PPP2R3A: variants seen among roughly 807,000 people sequenced by gnomAD.
PPP2R3A encodes protein phosphatase 2 regulatory subunit B''alpha, also known as serine/threonine-protein phosphatase 2A regulatory subunit B'' subunit alpha.
A neutral mutation model predicts 106.9 loss-of-function variants in PPP2R3A; 80 were observed. The observed-to-expected ratio is 0.75, with a 90% CI of 0.62 to 0.90. PPP2R3A has a LOEUF of 0.90. Among genes scored for constraint, PPP2R3A ranks in the 40% least tolerant of loss-of-function variants. The pLI, the probability that PPP2R3A is intolerant of heterozygous loss-of-function variation, is 0.00. For synonymous variants in PPP2R3A, 483 were observed against 468.3 expected (o/e 1.03, Z -0.41); for missense variants, 1,386 against 1,350.4 (o/e 1.03, Z -0.41).
Position 135,987,898 on chromosome 3 carries a change from C to T in PPP2R3A, c.-440-13161C>T, listed in dbSNP as rs1004581972. ...CACAGAAAGTTCCATTGGACAGTGC[C>T]ACTCTGCATGTTTGAAGTGCCCCAT... On this transcript the variant is annotated intron_variant, in intron 1 of 13. Transcript: ENST00000264977. Among the ~76,000 whole-genome samples, 6 of 152,304 alleles carry T rather than the reference C, an allele frequency of 3.9e-5. No individual in the cohort carries two copies. In the East Asian group the frequency reaches 9.6e-4, roughly 24 times the overall value.
chr3:136,103,242 G>A lies in PPP2R3A; in HGVS notation c.3104-16G>A. The stretch of plus-strand genomic sequence containing the variant: ...GCTCTTGATGAAATTTACCAGATTT[G>A]TTTATTTTTATGTAGGCAAAATAAC... On this transcript the variant is annotated splice_polypyrimidine_tract_variant and intron_variant, in intron 11 of 13. Coordinates refer to ENST00000264977, the MANE Select transcript of PPP2R3A (RefSeq NM_002718.5). The A allele has an allele frequency of 6.5e-7, 1 of 1,527,922 alleles. No homozygotes were observed. The highest frequency in any genetic ancestry group is 8.9e-7 in the Non-Finnish European group (1 of 1,117,736). The allele number at this position is 1,527,922 out of a possible 1,614,324, so 94.6% of individuals were successfully genotyped here. A position where few individuals can be genotyped will look rare whatever the true frequency, so the allele number is the denominator to read the frequency against.
chr3:136,141,981 T>C (rs975047830), intron 13 of PPP2R3A, among the ~76,000 whole-genome samples: 1 of 152,078 alleles, frequency 6.6e-6, no homozygotes, highest in Non-Finnish European at 1.5e-5. Flanking sequence ...GTGGGAAAGA[T>C]GAGTTCAAGT....
At chr3:136,015,003 A>G (rs766042384) in intron 2 of PPP2R3A, among the ~76,000 whole-genome samples, 9 of 152,060 alleles carry the variant, frequency 5.9e-5, no homozygotes, top group African/African-American at 9.7e-5. Flanking sequence ...TATCCCTTCT[A>G]TGCCGATTTT....
intron 8 of PPP2R3A, 22 bp from the exon 9 acceptor site, chr3:136,087,861 T>A: frequency 7.2e-7 from 1 of 1,385,762 alleles, no homozygotes; most frequent in Non-Finnish European, 9.9e-7. Context: ...AGCTTTGCAA[T>A]TTTTTTTTTA....
At chr3:136,093,160 G>A (rs185465444) in intron 10 of PPP2R3A, among the ~76,000 whole-genome samples, 3 of 152,298 alleles carry the variant, frequency 2.0e-5, no homozygotes, top group Admixed American at 2.0e-4. Context: ...AGTATTCCCA[G>A]TACTTTGGGA....
Position 136,001,823 on chromosome 3 carries a change from T to C in PPP2R3A, c.325T>C (p.Leu109=), listed in dbSNP as rs1265946401. Residue 109 remains leucine, a synonymous_variant, in exon 2 of 14, where the codon TTA becomes CTA. Transcript: ENST00000264977. ...ATCTACATTTCAGAATACCTACAACTTAAAGGATATTGCAGGAGAAGCAAT... is the reference window on the plus strand; with the variant it reads ...ATCTACATTTCAGAATACCTACAACCTAAAGGATATTGCAGGAGAAGCAAT... The part of the protein sequence containing the change: ...RGSTFQNTYN[L]KDIAGEAISF... 1 of 1,613,990 alleles carries C rather than the reference T, an allele frequency of 6.2e-7. No individual in the cohort carries two copies. Among genetic ancestry groups the C allele is most frequent in the Non-Finnish European group, 8.5e-7 (1 of 1,180,018 alleles).
chr3:136,053,552 C>T (rs1035395799), intron 5 of PPP2R3A, among the ~76,000 whole-genome samples: 4 of 152,142 alleles, frequency 2.6e-5, no homozygotes, highest in Admixed American at 2.0e-4. Flanking sequence ...GGTCGGTATA[C>T]ACAACAATCA....
intron 13 of PPP2R3A, among the ~76,000 whole-genome samples, chr3:136,143,770 G>A (rs563041093): frequency 1.5e-4 from 23 of 152,154 alleles, no homozygotes; most frequent in South Asian, 1.5e-3. Flanking sequence ...CAGCCTGGGC[G>A]ACACAGCGAG....
At chr3:136,026,001 T>C (rs908426448) in intron 2 of PPP2R3A, among the ~76,000 whole-genome samples, 3 of 152,186 alleles carry the variant, frequency 2.0e-5, no homozygotes, top group Non-Finnish European at 2.9e-5. Flanking sequence ...TCCTAAATCA[T>C]GGGCAATCTT....
At chr3:136,063,352 A>G (rs946029522) in intron 5 of PPP2R3A, among the ~76,000 whole-genome samples, 3 of 152,260 alleles carry the variant, frequency 2.0e-5, no homozygotes, top group African/African-American at 7.2e-5. Flanking sequence ...CATTCAGGAC[A>G]TAGGCATGGG....
intron 13 of PPP2R3A, among the ~76,000 whole-genome samples, chr3:136,143,809 A>G (rs113799200): frequency 6.6e-6 from 1 of 152,068 alleles, no homozygotes; most frequent in African/African-American, 2.4e-5. Flanking sequence ...AAACACACAC[A>G]ATGTTTTAGG....
intron 2 of PPP2R3A, 73 bp from the exon 3 acceptor site, chr3:136,026,759 T>A: frequency 7.2e-7 from 1 of 1,395,624 alleles, no homozygotes; most frequent in Non-Finnish European, 9.7e-7. Flanking sequence ...GTTTCTTATA[T>A]TGCTGGTGAG....
chr3:136,088,091 T>A (rs78473846), intron 9 of PPP2R3A, among the ~76,000 whole-genome samples, 160 bp downstream of exon 9: 9,022 of 152,208 alleles, frequency 0.059, 296 homozygotes, highest in South Asian at 0.071. Flanking sequence ...AATTCTTTTT[T>A]AAAAAAATAA....
chr3:136,076,839 T>C (rs7623246), intron 6 of PPP2R3A, among the ~76,000 whole-genome samples: 23,128 of 151,484 alleles, frequency 0.15, 2,908 homozygotes, highest in African/African-American at 0.36. Flanking sequence ...GCCAGCTACT[T>C]GGGAGGCTGA....
chr3:136,103,664 A>C (rs1054592307), intron 12 of PPP2R3A, among the ~76,000 whole-genome samples: 2 of 152,192 alleles, frequency 1.3e-5, no homozygotes, highest in Non-Finnish European at 2.9e-5. Context: ...TTTGAAAAAA[A>C]AATTGTCCTT....
At chr3:136,125,386 A>C (rs905929818) in intron 13 of PPP2R3A, among the ~76,000 whole-genome samples, 3 of 152,208 alleles carry the variant, frequency 2.0e-5, no homozygotes, top group Admixed American at 6.5e-5. Flanking sequence ...AATTCTGTCC[A>C]ATATTTAAGG....
rs189712236 is a variant in PPP2R3A at position 136,147,877 on chromosome 3, A to C, written c.*2711A>C. On this transcript the variant is annotated 3_prime_UTR_variant, in exon 14 of 14. Coordinates refer to ENST00000264977, the MANE Select transcript of PPP2R3A (RefSeq NM_002718.5). ...TTTTTCCCTTTTAGCAAAACTAAAT[A>C]AAGTTGTCAAATATGAATCATGTTC... 7.9e-5 allele frequency: 12 copies of C among 152,326 alleles called. No individual in the cohort carries two copies. Among genetic ancestry groups the C allele is most frequent in the Admixed American group, 7.2e-4 (11 of 15,294 alleles). 9.4% of individuals were successfully genotyped at this position (152,326 alleles called of 1,614,324 possible).
intron 13 of PPP2R3A, among the ~76,000 whole-genome samples, chr3:136,130,249 T>C (rs1445955031): frequency 1.3e-5 from 2 of 152,198 alleles, no homozygotes; most frequent in Non-Finnish European, 2.9e-5. Context: ...GATGCCATGA[T>C]TGTATATTGA....
chr3:136,064,224 A>G (rs532267290), intron 5 of PPP2R3A, among the ~76,000 whole-genome samples: 14 of 139,156 alleles, frequency 1.0e-4, no homozygotes, highest in Middle Eastern at 3.8e-3. Context: ...CAATGAGAAC[A>G]CATGGACACA....
Sources: allele counts gnomAD v4.1 joint callset (sites outside exome capture counted in the v4.1 genomes callset), GRCh38; gene constraint gnomAD v4.1.1; transcripts MANE v1.5; gene names NCBI Gene and HGNC (gene_info 2026-07-23, HGNC 2026-07-21).